The following POU2F2 variants were observed in gnomAD, a reference collection of about 807,000 sequenced individuals.
The protein encoded by POU2F2 is POU domain, class 2, transcription factor 2.
In POU2F2, 14 loss-of-function variants were observed where a neutral mutation model predicts 63.5. The observed-to-expected ratio is 0.22, with a 90% CI of 0.15 to 0.34. POU2F2 has a LOEUF of 0.34. Among genes scored for constraint, POU2F2 ranks in the 10% least tolerant of loss-of-function variants. The pLI, the probability that POU2F2 is intolerant of heterozygous loss-of-function variation, is 1.00. For synonymous variants in POU2F2, 306 were observed against 348.6 expected (o/e 0.88, Z 1.36); for missense variants, 607 against 815.2 (o/e 0.74, Z 3.11).
intron 1 of POU2F2, among the ~76,000 whole-genome samples, chr19:42,126,801 G>A (rs1220767121): frequency 6.6e-6 from 1 of 152,102 alleles, no homozygotes; most frequent in Non-Finnish European, 1.5e-5. Context: ...CTCATCACTG[G>A]GTCCCCAGCA....
chr19:42,192,935 C>T (rs2035089317), intron 1 of POU2F2, among the ~76,000 whole-genome samples: 1 of 151,936 alleles, frequency 6.6e-6, no homozygotes, highest in South Asian at 2.1e-4. Flanking sequence ...AAATTTCCTG[C>T]AAAAGCCAGG....
chr19:42,093,484 A>T, intron 12 of POU2F2: 1 of 235,664 alleles, frequency 4.2e-6, no homozygotes, highest in Non-Finnish European at 8.2e-6. Flanking sequence ...TATGTTTTAC[A>T]CATTCATAAT....
In POU2F2 at chr19:42,096,832, G is replaced by T. The variant is rs58876439; in HGVS notation, c.568-589C>A. ...TCAATGTAGGTTCATCACCTGTTAC[G>T]CTTGTACCACTCTGGTTGGGGATGT... is the stretch of plus-strand genomic sequence containing the variant. On this transcript the variant is annotated intron_variant, in intron 7 of 14. Coordinates refer to ENST00000692977, the MANE Select transcript of POU2F2 (RefSeq NM_001394376.1). This position sits in a 1 kb window ranked among gnomAD's most constrained non-coding sequence, Gnocchi z 4.1. Among the ~76,000 whole-genome samples the T allele has an allele frequency of 6.6e-6, 1 of 152,136 alleles. No homozygotes were observed. Among genetic ancestry groups the T allele is most frequent in the East Asian group, 1.9e-4 (1 of 5,202 alleles).
At chr19:42,135,125 C>T (rs2033977443), upstream of POU2F2, among the ~76,000 whole-genome samples, 1 of 152,160 alleles carries the variant, frequency 6.6e-6, no homozygotes, top group Admixed American at 6.5e-5. Context: ...ATCATCCTTG[C>T]TCTGTGAGGG....
At chr19:42,119,470 C>T (rs1247457401) in intron 4 of POU2F2, among the ~76,000 whole-genome samples, 14 of 152,116 alleles carry the variant, frequency 9.2e-5, no homozygotes, top group African/African-American at 2.7e-4. Flanking sequence ...GTCTGGAGTT[C>T]GAGACCAGCC....
chr19:42,096,063 CTG>C lies in POU2F2; in HGVS notation c.729+17_729+18del. On this transcript the variant is annotated intron_variant, in intron 8 of 14. Coordinates refer to ENST00000692977, the MANE Select transcript of POU2F2 (RefSeq NM_001394376.1). This position sits in a 1 kb window ranked among gnomAD's most constrained non-coding sequence, Gnocchi z 4.1. ...CACGCCCCCACGCCCACCGCCCAGC[CTG>C]CAAGGTGCCTCCAGACCTGCGTGAA... is the stretch of plus-strand genomic sequence containing the variant. 1 of 1,612,788 alleles carries C rather than the reference CTG, an allele frequency of 6.2e-7. No homozygotes were observed. The highest frequency in any genetic ancestry group is 8.5e-7 in the Non-Finnish European group (1 of 1,179,374).
chr19:42,122,341 A>G lies in POU2F2; in HGVS notation c.129+3T>C. ...CCCTCCCGCTTATCCACTCCCTCCT[A>G]ACCTGATGATTAGTGTCTGGTCCAT... On this transcript the variant is annotated splice_donor_region_variant and intron_variant, in intron 3 of 14. Coordinates refer to ENST00000692977, the MANE Select transcript of POU2F2 (RefSeq NM_001394376.1). 6.3e-7 allele frequency: 1 copy of G among 1,590,302 alleles called. No individual in the cohort carries two copies. Among genetic ancestry groups the G allele is most frequent in the Non-Finnish European group, 8.5e-7 (1 of 1,174,600 alleles).
chr19:42,090,941 C>G lies in POU2F2; in HGVS notation c.*316G>C. The stretch of plus-strand genomic sequence containing the variant: ...GAGCACGCTGAGGTCTGGCTCGCGA[C>G]TGGTTTTTTGGTTTGTTTGATTTTG... On this transcript the variant is annotated 3_prime_UTR_variant, in exon 15 of 15. Coordinates refer to ENST00000692977, the MANE Select transcript of POU2F2 (RefSeq NM_001394376.1). The surrounding 1 kb of genome is among the most constrained non-coding windows in gnomAD (Gnocchi z 4.4). 4.4e-6 allele frequency: 1 copy of G among 227,930 alleles called. No homozygotes were observed. The highest frequency in any genetic ancestry group is 8.4e-6 in the Non-Finnish European group (1 of 119,118). 14.1% of individuals were successfully genotyped at this position (227,930 alleles called of 1,614,324 possible). A position where few individuals can be genotyped will look rare whatever the true frequency, so the allele number is the denominator to read the frequency against.
At position 42,162,033 on chromosome 19, in the gene POU2F2, G is replaced by A. The variant is rs979671156; in HGVS notation, c.-69-1641C>T. ...TGAGTGTTGAACACGGTGGCGACAC[G>A]GCATTAACCGTCAATATTGGTGTAA... On this transcript the variant is annotated intron_variant, in intron 1 of 6. Transcript: ENST00000524801. This position sits in a 1 kb window ranked among gnomAD's most constrained non-coding sequence, Gnocchi z 4.1. 1.3e-5 allele frequency among the ~76,000 whole-genome samples: 2 copies of A among 149,460 alleles called. No homozygotes were observed. Among genetic ancestry groups the A allele is most frequent in the Middle Eastern group, 3.4e-3 (1 of 296 alleles).
chr19:42,124,339 C>A (rs1170876363), intron 1 of POU2F2, among the ~76,000 whole-genome samples: 2 of 141,248 alleles, frequency 1.4e-5, no homozygotes, highest in Non-Finnish European at 1.5e-5. Context: ...AAGAATGGAG[C>A]TAAAGTAAGG....
chr19:42,120,195 G>A (rs1046017940), intron 4 of POU2F2, among the ~76,000 whole-genome samples: 1 of 150,650 alleles, frequency 6.6e-6, no homozygotes, highest in Admixed American at 6.6e-5. Flanking sequence ...ACAGGCTTGA[G>A]CCACTGCATC....
intron 5 of POU2F2, among the ~76,000 whole-genome samples, chr19:42,103,123 C>T (rs1453553062): frequency 6.6e-6 from 1 of 152,046 alleles, no homozygotes; most frequent in African/African-American, 2.4e-5. Flanking sequence ...GACACTAATG[C>T]CTGGATCCTA....
chr19:42,093,010 T>TATATATA (rs1491362045), intron 12 of POU2F2, among the ~76,000 whole-genome samples: 33 of 50,998 alleles, frequency 6.5e-4, no homozygotes, highest in African/African-American at 1.7e-3. Flanking sequence ...TATATATATA[T>TATATATA]TTTTTTTTTT....
At chr19:42,154,170 G>C (rs2034413549) in intron 2 of POU2F2, among the ~76,000 whole-genome samples, 1 of 151,432 alleles carries the variant, frequency 6.6e-6, no homozygotes, top group African/African-American at 2.4e-5. Context: ...TAGGATGTGA[G>C]TGTGGGTGTT....
chr19:42,152,157 G>A lies in POU2F2; in HGVS notation c.-9+8175C>T, dbSNP rs1281087604. ...CTGTGGGGCGCAACGGGTAGCTGAGGCAATGAACAGCTGTGAGCCCCCATG... is the reference window on the plus strand; with the variant it reads ...CTGTGGGGCGCAACGGGTAGCTGAGACAATGAACAGCTGTGAGCCCCCATG... On this transcript the variant is annotated intron_variant, in intron 2 of 6. Transcript: ENST00000524801. The surrounding 1 kb of genome is among the most constrained non-coding windows in gnomAD (Gnocchi z 4.1). Among the ~76,000 whole-genome samples the A allele has an allele frequency of 2.0e-5, 3 of 152,164 alleles. No homozygotes were observed. The highest frequency in any genetic ancestry group is 4.4e-5 in the Non-Finnish European group (3 of 68,036).
intron 1 of POU2F2, among the ~76,000 whole-genome samples, chr19:42,186,249 C>T (rs1284568629): frequency 2.6e-5 from 4 of 151,928 alleles, no homozygotes; most frequent in African/African-American, 9.7e-5. Flanking sequence ...GGTGTGAACC[C>T]GGGAGGCAGA....
intron 1 of POU2F2, among the ~76,000 whole-genome samples, chr19:42,165,628 T>C (rs1398635239): frequency 1.3e-5 from 2 of 152,210 alleles, no homozygotes; most frequent in Non-Finnish European, 2.9e-5. Flanking sequence ...ACTTCCTCAC[T>C]GTGTGGCCCT....
intron 1 of POU2F2, among the ~76,000 whole-genome samples, chr19:42,190,864 T>G (rs2035068234): frequency 6.6e-6 from 1 of 151,998 alleles, no homozygotes; most frequent in Non-Finnish European, 1.5e-5. Flanking sequence ...TTAACACCTA[T>G]AGATGTAACG....
chr19:42,188,880 GAGGA>G (rs1445773888), intron 1 of POU2F2, among the ~76,000 whole-genome samples: 3 of 128,352 alleles, frequency 2.3e-5, no homozygotes, highest in African/African-American at 8.5e-5. Flanking sequence ...GAAAGGGAGA[GAGGA>G]AGGAAGGGAG....
Sources: allele counts gnomAD v4.1 joint callset (sites outside exome capture counted in the v4.1 genomes callset), GRCh38; gene constraint gnomAD v4.1.1; non-coding constraint Gnocchi (gnomAD v3.1); transcripts MANE v1.5; gene names NCBI Gene and HGNC (gene_info 2026-07-23, HGNC 2026-07-21).